Variants in GALNTL6 observed in about 807,000 individuals in gnomAD.
The protein encoded by GALNTL6 is polypeptide N-acetylgalactosaminyltransferase like 6.
GALNTL6 carries 46 observed loss-of-function variants against 73.7 expected under a neutral mutation model. The observed-to-expected ratio is 0.62, with a 90% confidence interval of 0.49 to 0.80. The LOEUF (loss-of-function observed/expected upper bound fraction) is 0.80. Among genes scored for constraint, GALNTL6 ranks in the 30% least tolerant of loss-of-function variants. The pLI is 0.00. For synonymous variants in GALNTL6, 259 were observed against 263.7 expected (o/e 0.98, Z 0.17); for missense variants, 604 against 755.0 (o/e 0.80, Z 2.34).
At chr4:172,225,612 G>A (rs1001828820) in intron 2 of GALNTL6, among the ~76,000 whole-genome samples, 2 of 152,054 alleles carry the variant, frequency 1.3e-5, no homozygotes, top group South Asian at 2.1e-4. Flanking sequence ...CATGATGGCC[G>A]GGTGCGATGG....
At position 172,475,400 on chromosome 4, in the gene GALNTL6, T is replaced by G. The variant is rs184212996; in HGVS notation, c.553+126711T>G. ...CTTTATTTTCATAGATTTTAATTTT[T>G]CAGGTAGAACAATTCAGTCATGGAC... On this transcript the variant is annotated intron_variant, in intron 5 of 12. Transcript: ENST00000506823. Among the ~76,000 whole-genome samples the G allele has an allele frequency of 7.8e-4, 118 of 152,190 alleles. 2 individuals carry two copies. The South Asian group carries it at 0.016, about 21-fold the overall frequency.
chr4:172,640,216 T>C (rs1739908639), intron 5 of GALNTL6, among the ~76,000 whole-genome samples: 1 of 152,124 alleles, frequency 6.6e-6, no homozygotes, highest in Non-Finnish European at 1.5e-5. Flanking sequence ...CTTCACCTAG[T>C]AGTGGCACTC....
At chr4:173,033,211 A>C (rs976951868) in intron 12 of GALNTL6, among the ~76,000 whole-genome samples, 1 of 152,020 alleles carries the variant, frequency 6.6e-6, no homozygotes, top group African/African-American at 2.4e-5. Context: ...TATGTTGGCC[A>C]GTCTGGTCTC....
intron 2 of GALNTL6, among the ~76,000 whole-genome samples, chr4:171,869,499 A>G (rs1172351997): frequency 6.6e-6 from 1 of 152,062 alleles, no homozygotes; most frequent in Non-Finnish European, 1.5e-5. Flanking sequence ...TTTTTCTCCC[A>G]GTATTCTGGA....
intron 5 of GALNTL6, among the ~76,000 whole-genome samples, chr4:172,523,942 G>T (rs1734867322): frequency 6.6e-6 from 1 of 152,116 alleles, no homozygotes; most frequent in Non-Finnish European, 1.5e-5. Context: ...CAAGAAATGG[G>T]ATATTAGTGC....
At chr4:172,831,503 A>C (rs1742639753) in intron 7 of GALNTL6, among the ~76,000 whole-genome samples, 1 of 152,156 alleles carries the variant, frequency 6.6e-6, no homozygotes, top group African/African-American at 2.4e-5. Context: ...CTACACCTTG[A>C]AAGATCAGCA....
At chr4:172,933,797 G>A (rs1278959161) in intron 9 of GALNTL6, among the ~76,000 whole-genome samples, 1 of 152,156 alleles carries the variant, frequency 6.6e-6, no homozygotes, top group Non-Finnish European at 1.5e-5. Context: ...CTACTCAACT[G>A]ATATTTTAAT....
intron 2 of GALNTL6, among the ~76,000 whole-genome samples, chr4:172,127,500 C>T (rs888606959): frequency 6.6e-6 from 1 of 152,208 alleles, no homozygotes; most frequent in Non-Finnish European, 1.5e-5. Context: ...TTACATGTAC[C>T]TAATTTAGCT....
intron 2 of GALNTL6, among the ~76,000 whole-genome samples, chr4:172,064,327 C>T (rs181178304): frequency 3.3e-5 from 5 of 152,156 alleles, no homozygotes; most frequent in African/African-American, 1.2e-4. Context: ...GGTGCCCATA[C>T]TGCTGCATCA....
At chr4:172,862,919 T>A (rs1490984655) in intron 7 of GALNTL6, among the ~76,000 whole-genome samples, 2 of 152,214 alleles carry the variant, frequency 1.3e-5, no homozygotes, top group African/African-American at 4.8e-5. Context: ...CAGGGCCCCC[T>A]GCTATGTGCA....
chr4:172,408,340 A>G (rs1246983021), intron 5 of GALNTL6, among the ~76,000 whole-genome samples: 5 of 152,068 alleles, frequency 3.3e-5, no homozygotes, highest in Non-Finnish European at 5.9e-5. Flanking sequence ...ACACATACAG[A>G]TATAACTGAT....
chr4:172,411,788 A>G (rs1300760930), intron 5 of GALNTL6, among the ~76,000 whole-genome samples: 2 of 152,138 alleles, frequency 1.3e-5, no homozygotes, highest in African/African-American at 2.4e-5. Context: ...TCATTTATCC[A>G]TGTAACATAT....
At chr4:172,781,461 G>T (rs554499101) in intron 5 of GALNTL6, among the ~76,000 whole-genome samples, 3 of 152,214 alleles carry the variant, frequency 2.0e-5, no homozygotes, top group South Asian at 4.1e-4. Flanking sequence ...ATGATATCCA[G>T]ATCGGTGCAT....
intron 3 of GALNTL6, among the ~76,000 whole-genome samples, chr4:172,244,548 G>A (rs1737557410): frequency 6.6e-6 from 1 of 152,092 alleles, no homozygotes; most frequent in Admixed American, 6.6e-5. Flanking sequence ...TTAAAATGTG[G>A]TTGAATAATA....
intron 5 of GALNTL6, among the ~76,000 whole-genome samples, chr4:172,373,833 G>A (rs1174114948): frequency 1.3e-5 from 2 of 152,224 alleles, no homozygotes; most frequent in Non-Finnish European, 2.9e-5. Context: ...GGCTGTCCCA[G>A]GATTCCTTGG....
chr4:172,372,576 T>C (rs1036542689), intron 5 of GALNTL6, among the ~76,000 whole-genome samples: 12 of 152,206 alleles, frequency 7.9e-5, no homozygotes, highest in African/African-American at 2.9e-4. Flanking sequence ...TGTGGGGTTG[T>C]CACACGAGTC....
intron 5 of GALNTL6, among the ~76,000 whole-genome samples, chr4:172,386,600 C>A (rs1331892774): frequency 2.0e-5 from 3 of 152,040 alleles, no homozygotes; most frequent in Non-Finnish European, 4.4e-5. Context: ...GCTGGAGAAC[C>A]AGAGAAGTAA....
At position 172,663,991 on chromosome 4, in the gene GALNTL6, A is replaced by T. The variant is rs1026046993; in HGVS notation, c.554-145370A>T. ...CCAACTGCCACCTGAACACACATCCACACCCAATATGCAACTGCAGAATAA... is the reference window on the plus strand; with the variant it reads ...CCAACTGCCACCTGAACACACATCCTCACCCAATATGCAACTGCAGAATAA... On this transcript the variant is annotated intron_variant, in intron 5 of 12. Coordinates refer to ENST00000506823, the MANE Select transcript of GALNTL6 (RefSeq NM_001034845.3). Among the ~76,000 whole-genome samples the T allele has an allele frequency of 2.6e-5, 4 of 152,092 alleles. 1 individual carries two copies. In the South Asian group the frequency reaches 8.3e-4, roughly 32 times the overall value.
chr4:172,369,677 G>C (rs1742712196), intron 5 of GALNTL6, among the ~76,000 whole-genome samples: 1 of 152,178 alleles, frequency 6.6e-6, no homozygotes, highest in Non-Finnish European at 1.5e-5. Context: ...GGCAGTGCTG[G>C]GTTACCTGGT....
Sources: gnomAD v4.1 joint callset for allele counts (sites outside exome capture counted in the v4.1 genomes callset) on GRCh38, gnomAD v4.1.1 for gene constraint, MANE v1.5 for transcripts, NCBI Gene and HGNC (gene_info 2026-07-23, HGNC 2026-07-21) for gene names.